FCHSD2: variants seen among roughly 807,000 people sequenced by gnomAD.
The protein encoded by FCHSD2 is FCH and double SH3 domains 2.
A neutral mutation model predicts 108.1 loss-of-function variants in FCHSD2; 38 were observed. The observed-to-expected ratio is 0.35, with a 90% CI of 0.27 to 0.46. The LOEUF is 0.46. Ranked by LOEUF, FCHSD2 falls within the 20% of genes least tolerant of loss-of-function variation. FCHSD2 has a pLI of 1.00. For missense variants in FCHSD2, 751 were observed against 897.8 expected (o/e 0.84, Z 2.09); for synonymous variants, 279 against 314.7 (o/e 0.89, Z 1.20).
intron 3 of FCHSD2, among the ~76,000 whole-genome samples, chr11:73,044,134 C>T (rs1373570390): frequency 6.6e-6 from 1 of 152,174 alleles, no homozygotes; most frequent in Non-Finnish European, 1.5e-5. Context: ...ACATCCAAGG[C>T]CTGCTACTAT....
At chr11:72,862,657 C>T (rs1854625843) in intron 13 of FCHSD2, among the ~76,000 whole-genome samples, 2 of 152,154 alleles carry the variant, frequency 1.3e-5, no homozygotes, top group Non-Finnish European at 2.9e-5. Context: ...ATGTTATCTT[C>T]CAGTTGATCT....
intron 3 of FCHSD2, among the ~76,000 whole-genome samples, chr11:73,027,588 C>G (rs190471915): frequency 6.6e-6 from 1 of 152,304 alleles, no homozygotes; most frequent in East Asian, 1.9e-4. Context: ...AACCAATTTT[C>G]TGAAGAGAAA....
At chr11:72,940,919 C>T in intron 8 of FCHSD2, 1 of 840,664 alleles carries the variant, frequency 1.2e-6, no homozygotes, top group Non-Finnish European at 2.0e-6. Context: ...TTCCATAAAG[C>T]TATCAGAAGA....
intron 8 of FCHSD2, among the ~76,000 whole-genome samples, chr11:72,926,165 C>T (rs190559953): frequency 2.0e-4 from 31 of 152,230 alleles, no homozygotes; most frequent in Non-Finnish European, 3.4e-4. Flanking sequence ...CAGTAAGGCC[C>T]CACCTTCAGG....
Position 72,931,728 on chromosome 11 carries a change from G to A in FCHSD2, c.706-9778C>T, listed in dbSNP as rs188436826. Among the ~76,000 whole-genome samples the A allele has an allele frequency of 1.3e-5, 2 of 152,220 alleles. 1 individual carries two copies. Among genetic ancestry groups the A allele is most frequent in the African/African-American group, 4.8e-5 (2 of 41,554 alleles). On this transcript the variant is annotated intron_variant, in intron 8 of 19. Coordinates refer to ENST00000409418, the MANE Select transcript of FCHSD2 (RefSeq NM_014824.3). ...TGCAGTGAACAGAGATCGCACCACT[G>A]CATTCTAGTCTGGGTGACAGAGCAA... is the stretch of plus-strand genomic sequence containing the variant.
chr11:73,110,211 AG>A (rs1860450043), intron 2 of FCHSD2, among the ~76,000 whole-genome samples: 1 of 151,404 alleles, frequency 6.6e-6, no homozygotes, highest in African/African-American at 2.4e-5. Flanking sequence ...TCACAGAATG[AG>A]TTTAGGAATA....
intron 12 of FCHSD2, among the ~76,000 whole-genome samples, chr11:72,876,496 T>C (rs1269934726): frequency 6.6e-6 from 1 of 152,236 alleles, no homozygotes; most frequent in East Asian, 1.9e-4. Flanking sequence ...GCCATCTTTC[T>C]ATTATGGATT....
chr11:73,033,321 G>A (rs1410538948), intron 3 of FCHSD2, among the ~76,000 whole-genome samples: 1 of 151,554 alleles, frequency 6.6e-6, no homozygotes, highest in Non-Finnish European at 1.5e-5. Flanking sequence ...ACTACAGTCA[G>A]GGAGACCCAT....
intron 2 of FCHSD2, among the ~76,000 whole-genome samples, chr11:73,138,089 T>C (rs967770001): frequency 1.3e-5 from 2 of 152,154 alleles, no homozygotes; most frequent in African/African-American, 4.8e-5. Context: ...GGATCAGCAA[T>C]AATACAAACT....
At chr11:73,070,455 G>A (rs1024078861) in intron 3 of FCHSD2, among the ~76,000 whole-genome samples, 2 of 152,044 alleles carry the variant, frequency 1.3e-5, no homozygotes, top group African/African-American at 4.8e-5. Flanking sequence ...ATACAGTCTC[G>A]TTCTGTCGCC....
At chr11:73,020,245 A>G (rs960313435) in intron 3 of FCHSD2, among the ~76,000 whole-genome samples, 22 of 152,194 alleles carry the variant, frequency 1.4e-4, no homozygotes, top group African/African-American at 5.3e-4. Flanking sequence ...TTGAGTAGAC[A>G]CTAGGAAATG....
chr11:73,041,591 T>C (rs550851944), intron 3 of FCHSD2, among the ~76,000 whole-genome samples: 383 of 152,218 alleles, frequency 2.5e-3, no homozygotes, highest in Non-Finnish European at 4.7e-3. Flanking sequence ...TATGGAGTTT[T>C]TTTGTTTGTT....
intron 2 of FCHSD2, among the ~76,000 whole-genome samples, chr11:73,101,762 A>G (rs945023101): frequency 6.6e-6 from 1 of 152,122 alleles, no homozygotes; most frequent in Non-Finnish European, 1.5e-5. Context: ...CAACACAACA[A>G]AGCAAAACAA....
At chr11:72,919,561 T>C (rs563968857) in intron 9 of FCHSD2, among the ~76,000 whole-genome samples, 1 of 152,158 alleles carries the variant, frequency 6.6e-6, no homozygotes, top group Non-Finnish European at 1.5e-5. Context: ...AAAATGAACA[T>C]GGTAATGGCG....
At chr11:72,865,664 G>A (rs1418083824) in intron 13 of FCHSD2, among the ~76,000 whole-genome samples, 1 of 151,600 alleles carries the variant, frequency 6.6e-6, no homozygotes, top group East Asian at 1.9e-4. Context: ...CCTCCATGGG[G>A]CACACTTTCT....
intron 8 of FCHSD2, among the ~76,000 whole-genome samples, chr11:72,973,972 G>T (rs1857057577): frequency 6.7e-6 from 1 of 150,278 alleles, no homozygotes; most frequent in African/African-American, 2.5e-5. Flanking sequence ...TAAAGACCTA[G>T]AGTGCAAATG....
At chr11:72,964,443 G>A (rs1565344812) in intron 8 of FCHSD2, among the ~76,000 whole-genome samples, 1 of 152,154 alleles carries the variant, frequency 6.6e-6, no homozygotes, top group African/African-American at 2.4e-5. Flanking sequence ...GATGGGGTTG[G>A]TTATTCCTTC....
At chr11:73,009,954 T>C (rs189814170) in intron 4 of FCHSD2, among the ~76,000 whole-genome samples, 7 of 152,354 alleles carry the variant, frequency 4.6e-5, no homozygotes, top group Non-Finnish European at 1.0e-4. Flanking sequence ...CTCGTTAGAC[T>C]TGGGAAGTTT....
chr11:72,840,635 T>A (rs549989403), intron 19 of FCHSD2, among the ~76,000 whole-genome samples: 1 of 152,348 alleles, frequency 6.6e-6, no homozygotes, highest in Non-Finnish European at 1.5e-5. Flanking sequence ...ATCACTTTCA[T>A]AGCCATCATC....
Sources: gnomAD v4.1 joint callset for allele counts (sites outside exome capture counted in the v4.1 genomes callset) on GRCh38, gnomAD v4.1.1 for gene constraint, MANE v1.5 for transcripts, NCBI Gene and HGNC (gene_info 2026-07-23, HGNC 2026-07-21) for gene names.